The following STAU1 variants were observed in gnomAD, a reference collection of about 807,000 sequenced individuals.
STAU1 encodes the protein double-stranded RNA-binding protein Staufen homolog 1.
In STAU1, 13 loss-of-function variants were observed where a neutral mutation model predicts 62.9. The observed-to-expected ratio is 0.21, with a 90% confidence interval of 0.13 to 0.33. STAU1 has a LOEUF of 0.33. Ranked by LOEUF, STAU1 falls within the 10% of genes least tolerant of loss-of-function variation. STAU1 has a pLI of 1.00. For synonymous variants in STAU1, 269 were observed against 265.1 expected (o/e 1.01, Z -0.14); for missense variants, 571 against 712.1 (o/e 0.80, Z 2.25).
intron 1 of STAU1, among the ~76,000 whole-genome samples, chr20:49,175,798 C>CATTT (rs58550746): frequency 9.5e-6 from 1 of 104,824 alleles, no homozygotes; most frequent in Non-Finnish European, 1.9e-5. Context: ...CTCATAATGC[C>CATTT]TTTTTTTTTT....
At chr20:49,148,285 C>T (rs953864706) in intron 5 of STAU1, among the ~76,000 whole-genome samples, 2 of 152,088 alleles carry the variant, frequency 1.3e-5, no homozygotes, top group African/African-American at 4.8e-5. Flanking sequence ...TGCAACGTGT[C>T]GCAGTCAAAA....
At position 49,114,520 on chromosome 20, in the gene STAU1, C is replaced by CCGTTTCTT. The variant is rs1243153656; in HGVS notation, c.*350_*357dup. ...TGAGCCAGCTTGAGAAGGGGTCGTG[C>CCGTTTCTT]CGTTTCTTCTTTCACACAGGGGAAA... On this transcript the variant is annotated 3_prime_UTR_variant, in exon 14 of 14. Transcript: ENST00000371856. 7.9e-5 allele frequency: 20 copies of CCGTTTCTT among 253,146 alleles called. No individual in the cohort carries two copies. The East Asian group carries it at 1.4e-3, about 17-fold the overall frequency. 15.7% of individuals were successfully genotyped at this position (253,146 alleles called of 1,614,324 possible).
Position 49,174,808 on chromosome 20 carries a change from G to A in STAU1, c.-159-539C>T, listed in dbSNP as rs1252039371. Among the ~76,000 whole-genome samples, 4 of 151,796 alleles carry A rather than the reference G, an allele frequency of 2.6e-5. No individual in the cohort carries two copies. The East Asian group carries it at 5.8e-4, about 22-fold the overall frequency. On this transcript the variant is annotated intron_variant, in intron 1 of 13. Coordinates refer to ENST00000371856, the MANE Select transcript of STAU1 (RefSeq NM_017453.4). Reference sequence around the variant, plus strand: ...AAAAATTAGCCAGGCGTGATGGCGGGGGCCTGTAGTCCCAGCTACTTGGGA... The same window carrying A: ...AAAAATTAGCCAGGCGTGATGGCGGAGGCCTGTAGTCCCAGCTACTTGGGA...
At chr20:49,132,568 G>A (rs971796080) in intron 6 of STAU1, among the ~76,000 whole-genome samples, 1 of 152,166 alleles carries the variant, frequency 6.6e-6, no homozygotes, top group Non-Finnish European at 1.5e-5. Flanking sequence ...AGACCAGACT[G>A]GCTAACGTGG....
At chr20:49,134,406 G>T in intron 6 of STAU1, 1 of 496,438 alleles carries the variant, frequency 2.0e-6, no homozygotes, top group South Asian at 1.9e-5. Flanking sequence ...ACTACAGCCT[G>T]GGCGACAAGA....
chr20:49,151,037 G>C (rs989771745), intron 5 of STAU1, among the ~76,000 whole-genome samples: 1 of 152,168 alleles, frequency 6.6e-6, no homozygotes, highest in Non-Finnish European at 1.5e-5. Flanking sequence ...GTGGAACGAA[G>C]ACAAGCTACA....
intron 7 of STAU1, among the ~76,000 whole-genome samples, chr20:49,123,769 G>A (rs2092525339): frequency 6.6e-6 from 1 of 152,176 alleles, no homozygotes; most frequent in South Asian, 2.1e-4. Flanking sequence ...GCAAAAAAGG[G>A]AAACAAAAGG....
intron 8 of STAU1, among the ~76,000 whole-genome samples, chr20:49,121,266 G>GCGT (rs1365141486): frequency 1.3e-5 from 2 of 152,060 alleles, no homozygotes; most frequent in East Asian, 3.9e-4. Context: ...AAGTAGCTGG[G>GCGT]CGTGATGGTG....
At chr20:49,210,938 C>A in the STAU1 span, among the ~76,000 whole-genome samples, 2 of 152,168 alleles carry the variant, frequency 1.3e-5, no homozygotes, top group African/African-American at 4.8e-5. Context: ...GGAAACCTGG[C>A]ATTCATTAAG....
chr20:49,158,356 C>T (rs761629063), intron 3 of STAU1: 50 of 983,726 alleles, frequency 5.1e-5, no homozygotes, highest in Non-Finnish European at 6.9e-5. Context: ...ATCTCACTTA[C>T]AAATAATTTA....
At chr20:49,219,013 C>CAAAAAAAA in the STAU1 span, among the ~76,000 whole-genome samples, 1 of 53,174 alleles carries the variant, frequency 1.9e-5, no homozygotes, top group African/African-American at 7.2e-5. Flanking sequence ...AACCCTGCCT[C>CAAAAAAAA]AAAAAAAAAA....
At chr20:49,181,766 C>CAAAAAAAAAAAAAAAAAAAAAA (rs758956478) in intron 1 of STAU1, among the ~76,000 whole-genome samples, 3 of 24,522 alleles carry the variant, frequency 1.2e-4, no homozygotes, top group Non-Finnish European at 2.1e-4. Flanking sequence ...ACTATCTCAA[C>CAAAAAAAAAAAAAAAAAAAAAA]AAAAAAAAAA....
At chr20:49,203,270 C>G in the STAU1 span, among the ~76,000 whole-genome samples, 1 of 152,034 alleles carries the variant, frequency 6.6e-6, no homozygotes, top group African/African-American at 2.4e-5. Flanking sequence ...ACCAAAAATA[C>G]AAAACTTACC....
At chr20:49,171,114 A>C (rs1046138059) in intron 2 of STAU1, among the ~76,000 whole-genome samples, 5 of 152,246 alleles carry the variant, frequency 3.3e-5, no homozygotes, top group Non-Finnish European at 7.3e-5. Flanking sequence ...GACATCTTTC[A>C]GCAATCACAT....
intron 12 of STAU1, among the ~76,000 whole-genome samples, chr20:49,116,797 G>A (rs577500361): frequency 2.1e-4 from 32 of 152,220 alleles, no homozygotes; most frequent in African/African-American, 7.7e-4. Flanking sequence ...CTGCCAGAAC[G>A]TGGACCTGCA....
At position 49,117,845 on chromosome 20, in the gene STAU1, C is replaced by G. The variant is rs146630196; in HGVS notation, c.1441G>C (p.Val481Leu). Residue 481 changes from valine (V) to leucine (L), a missense_variant, in exon 11 of 14, where the codon GTA becomes CTA. Physicochemically the swap from Val to Leu is conservative, Grantham distance 32 (BLOSUM62 1). Coordinates refer to ENST00000371856, the MANE Select transcript of STAU1 (RefSeq NM_017453.4). The surrounding 1 kb of genome is among the most constrained non-coding windows in gnomAD (Gnocchi z 4.6). Reference sequence around the variant, plus strand: ...GGTCTCGTGAGAGGTCCATGGGGTACGTGGCCTGAAGAGATGTTATTCTTT... The same window carrying G: ...GGTCTCGTGAGAGGTCCATGGGGTAGGTGGCCTGAAGAGATGTTATTCTTT... The part of the protein sequence containing the change: ...ILKNNISSGH[V>L]PHGPLTRPSE... The G allele has an allele frequency of 6.2e-7, 1 of 1,614,088 alleles. No homozygotes were observed. Among genetic ancestry groups the G allele is most frequent in the Admixed American group, 1.7e-5 (1 of 60,012 alleles).
intron 5 of STAU1, among the ~76,000 whole-genome samples, chr20:49,145,398 TG>T (rs1289619254): frequency 1.5e-3 from 160 of 105,248 alleles, no homozygotes; most frequent in Middle Eastern, 9.6e-3. Flanking sequence ...CACTCCAGCC[TG>T]GGCAACAAAG....
chr20:49,116,530 G>A (rs2092328856), intron 12 of STAU1, among the ~76,000 whole-genome samples: 1 of 151,920 alleles, frequency 6.6e-6, no homozygotes, highest in Non-Finnish European at 1.5e-5. Context: ...GTAGAGATGG[G>A]GTTTCACCAC....
chr20:49,173,175 A>ATC (rs2093619088), intron 2 of STAU1, among the ~76,000 whole-genome samples: 1 of 147,476 alleles, frequency 6.8e-6, no homozygotes, highest in Non-Finnish European at 1.5e-5. Context: ...GAAAAGCATT[A>ATC]GGCCGGGCAC....
Sources: gnomAD v4.1 joint callset for allele counts (sites outside exome capture counted in the v4.1 genomes callset) on GRCh38, gnomAD v4.1.1 for gene constraint, Gnocchi (gnomAD v3.1) non-coding constraint, MANE v1.5 for transcripts, NCBI Gene and HGNC (gene_info 2026-07-23, HGNC 2026-07-21) for gene names.